Variants in ANK2 observed in about 807,000 individuals in gnomAD.
ANK2 encodes the protein ankyrin-2.
A neutral mutation model predicts 360.5 loss-of-function variants in ANK2; 83 were observed. The ratio of observed to expected loss-of-function variants is 0.23; its 90% CI spans 0.19 to 0.28. The LOEUF is 0.28. Ranked by LOEUF, ANK2 falls within the 10% of genes least tolerant of loss-of-function variation. The probability of loss-of-function intolerance (pLI) is 1.00; values close to 1 mark genes in which losing one functional copy is unlikely to be tolerated. For synonymous variants in ANK2, 1,740 were observed against 1,759.5 expected (o/e 0.99, Z 0.28); for missense variants, 4,201 against 4,795.7 (o/e 0.88, Z 3.66).
At chr4:113,020,261 G>A (rs1241244008) in intron 2 of ANK2, among the ~76,000 whole-genome samples, 1 of 152,054 alleles carries the variant, frequency 6.6e-6, no homozygotes, top group South Asian at 2.1e-4. Context: ...ATCACAGCTC[G>A]CTGCAGGCTT....
At chr4:112,877,881 A>G (rs1436920572) in intron 1 of ANK2, among the ~76,000 whole-genome samples, 1 of 152,062 alleles carries the variant, frequency 6.6e-6, no homozygotes, top group Non-Finnish European at 1.5e-5. Context: ...CAGTTCTTAT[A>G]TTTATCTTTT....
chr4:112,748,689 C>A, the ANK2 span, among the ~76,000 whole-genome samples: 65 of 152,244 alleles, frequency 4.3e-4, no homozygotes, highest in South Asian at 0.013. Context: ...ATGGATGAAT[C>A]CAAGATACTC....
Position 113,359,039 on chromosome 4 carries a change from C to G in ANK2, c.10421C>G (p.Ser3474Cys). The change falls in exon 38 of 46, where the codon TCC (serine) becomes TGC (cysteine). Residue 3474 changes from serine to cysteine, a missense_variant. This residue lies in a region of ANK2 where 2,642 missense variants were observed against 2,714.5 expected (regional missense o/e 0.97). Transcript: ENST00000357077. ...CATTTCTTTGACCTTTACAGAAATT[C>G]CATAGAATTCTTTGAGGAGATTAGT... Reference protein sequence around the residue: ...KEHFFDLYRNSIEFFEEISDE... With the variant: ...KEHFFDLYRNCIEFFEEISDE... 2 of 1,614,064 alleles carry G rather than the reference C, an allele frequency of 1.2e-6. No homozygotes were observed. The highest frequency in any genetic ancestry group is 1.1e-5 in the South Asian group (1 of 91,080).
the ANK2 span, among the ~76,000 whole-genome samples, chr4:112,734,111 G>C: frequency 6.6e-6 from 1 of 152,172 alleles, no homozygotes. Context: ...GTGTGTGTGT[G>C]TAAAATACAT....
chr4:112,814,437 TTTTGTTTG>T (rs901979881), upstream of ANK2, among the ~76,000 whole-genome samples: 18 of 39,436 alleles, frequency 4.6e-4, no homozygotes, highest in South Asian at 1.2e-3. Flanking sequence ...TTTTTTGTTT[TTTTGTTTG>T]TTTGTTTGTT....
the ANK2 span, among the ~76,000 whole-genome samples, chr4:112,749,291 G>A: frequency 5.9e-5 from 9 of 152,284 alleles, no homozygotes; most frequent in Non-Finnish European, 1.2e-4. Context: ...AATGTTACCA[G>A]TGATATCATT....
chr4:113,260,550 C>T (rs2052243449), intron 13 of ANK2, among the ~76,000 whole-genome samples: 1 of 152,084 alleles, frequency 6.6e-6, no homozygotes, highest in African/African-American at 2.4e-5. Context: ...AAGCAGATAC[C>T]TATTGATAGG....
intron 2 of ANK2, among the ~76,000 whole-genome samples, chr4:113,001,877 G>A (rs2050821837): frequency 6.6e-6 from 1 of 152,108 alleles, no homozygotes; most frequent in African/African-American, 2.4e-5. Context: ...TTTCCATGTA[G>A]TTATTTCTCC....
chr4:113,143,677 A>G (rs751581042), intron 1 of ANK2, among the ~76,000 whole-genome samples: 12 of 152,214 alleles, frequency 7.9e-5, no homozygotes, highest in Admixed American at 1.3e-4. Context: ...AAAATAGTTC[A>G]TATATGTTCA....
At chr4:113,047,382 T>C (rs2064855840), upstream of ANK2, among the ~76,000 whole-genome samples, 1 of 152,236 alleles carries the variant, frequency 6.6e-6, no homozygotes, top group Admixed American at 6.5e-5. Flanking sequence ...CAAAAATGTT[T>C]TGTTTATCAT....
At chr4:113,108,519 A>G (rs1302058727) in intron 1 of ANK2, among the ~76,000 whole-genome samples, 2 of 152,176 alleles carry the variant, frequency 1.3e-5, no homozygotes, top group Non-Finnish European at 2.9e-5. Context: ...TACTAGTGGG[A>G]GAAGAATGTA....
chr4:113,117,202 A>G, intron 1 of ANK2: 1 of 417,614 alleles, frequency 2.4e-6, no homozygotes, highest in Non-Finnish European at 4.8e-6. Context: ...GGGGAAAATC[A>G]CATCTCCATA....
intron 2 of ANK2, among the ~76,000 whole-genome samples, chr4:113,002,837 T>G (rs72894483): frequency 0.012 from 1,862 of 152,304 alleles, 35 homozygotes; most frequent in African/African-American, 0.042. Context: ...CCTCTAAGAT[T>G]ATGACATATT....
intron 2 of ANK2, chr4:113,034,927 T>G (rs927587900): frequency 6.6e-6 from 1 of 152,004 alleles, no homozygotes; most frequent in African/African-American, 2.4e-5. Flanking sequence ...CAAATGTTTC[T>G]GTGGGCTATC....
chr4:113,053,120 C>G (rs545704841), intron 1 of ANK2, among the ~76,000 whole-genome samples: 1 of 152,162 alleles, frequency 6.6e-6, no homozygotes, highest in East Asian at 1.9e-4. Flanking sequence ...GTCAGAGTGG[C>G]CTTGTCTGAT....
intron 2 of ANK2, among the ~76,000 whole-genome samples, chr4:113,007,342 G>A (rs1056988855): frequency 1.3e-5 from 2 of 152,130 alleles, no homozygotes; most frequent in Non-Finnish European, 2.9e-5. Flanking sequence ...GGAGAAGCAG[G>A]TGGCTAAGTG....
the ANK2 span, among the ~76,000 whole-genome samples, chr4:112,756,155 G>A: frequency 1.9e-4 from 28 of 150,574 alleles, no homozygotes; most frequent in South Asian, 5.9e-3. Flanking sequence ...GGAGAATGGT[G>A]TGAACCCGGG....
At chr4:113,250,568 T>G (rs1388037139) in intron 10 of ANK2, among the ~76,000 whole-genome samples, 2 of 152,232 alleles carry the variant, frequency 1.3e-5, no homozygotes, top group African/African-American at 2.4e-5. Flanking sequence ...CTTTTATTAT[T>G]GTATAGTTCT....
intron 45 of ANK2, among the ~76,000 whole-genome samples, chr4:113,379,521 T>A (rs61431403): frequency 0.014 from 2,076 of 152,288 alleles, 56 homozygotes; most frequent in African/African-American, 0.047. Flanking sequence ...TGTCCTATAA[T>A]GGAGGCTTAA....
Sources: gnomAD v4.1 joint callset for allele counts (sites outside exome capture counted in the v4.1 genomes callset) on GRCh38, gnomAD v4.1.1 for gene constraint, gnomAD v4.1.1 regional missense constraint, MANE v1.5 for transcripts, NCBI Gene and HGNC (gene_info 2026-07-23, HGNC 2026-07-21) for gene names.